Variants in LRRN1 observed in about 807,000 individuals in gnomAD.
LRRN1 encodes leucine-rich repeat neuronal protein 1.
Under a neutral mutation model 45.8 loss-of-function variants are expected in LRRN1, and 14 were observed. The observed-to-expected ratio is 0.31, with a 90% CI of 0.20 to 0.48. LRRN1 has a LOEUF of 0.48. Among genes scored for constraint, LRRN1 ranks in the 20% least tolerant of loss-of-function variants. The pLI is 0.99. For missense variants in LRRN1, 789 were observed against 874.2 expected (o/e 0.90, Z 1.23); for synonymous variants, 359 against 330.1 (o/e 1.09, Z -0.95).
At chr3:3,808,330 A>C (rs1692808317) in intron 1 of LRRN1, among the ~76,000 whole-genome samples, 1 of 152,106 alleles carries the variant, frequency 6.6e-6, no homozygotes, top group Non-Finnish European at 1.5e-5. Flanking sequence ...AACTCCTTTA[A>C]TCCTTGCAAC....
chr3:3,843,990 G>T (rs1336002384), intron 1 of LRRN1, among the ~76,000 whole-genome samples: 1 of 152,128 alleles, frequency 6.6e-6, no homozygotes, highest in Admixed American at 6.5e-5. Flanking sequence ...TTAAAGAAAA[G>T]ACATCTGCAG....
intron 1 of LRRN1, among the ~76,000 whole-genome samples, chr3:3,822,343 G>A (rs1283744488): frequency 6.6e-6 from 1 of 152,154 alleles, no homozygotes; most frequent in Non-Finnish European, 1.5e-5. Context: ...AAAATTAGGT[G>A]TCTGCAAGGT....
At chr3:3,812,620 G>A (rs1692899294) in intron 1 of LRRN1, among the ~76,000 whole-genome samples, 1 of 152,196 alleles carries the variant, frequency 6.6e-6, no homozygotes, top group African/African-American at 2.4e-5. Flanking sequence ...ATGTCACCAT[G>A]ACAGAAGGCT....
At chr3:3,824,204 C>T (rs995336247) in intron 1 of LRRN1, among the ~76,000 whole-genome samples, 1 of 152,166 alleles carries the variant, frequency 6.6e-6, no homozygotes, top group African/African-American at 2.4e-5. Flanking sequence ...ACGTAAGTCA[C>T]TCAGTGTAGT....
chr3:3,814,859 T>C (rs1177357762), intron 1 of LRRN1, among the ~76,000 whole-genome samples: 1 of 152,160 alleles, frequency 6.6e-6, no homozygotes, highest in Non-Finnish European at 1.5e-5. Flanking sequence ...CTTCCCAGCC[T>C]CCAGAACTGT....
intron 1 of LRRN1, among the ~76,000 whole-genome samples, chr3:3,836,477 A>T (rs1280118593): frequency 6.6e-6 from 1 of 152,170 alleles, no homozygotes; most frequent in Non-Finnish European, 1.5e-5. Flanking sequence ...TGTCCTCAAG[A>T]TTCATCCGTG....
At chr3:3,825,965 A>G (rs1475466099) in intron 1 of LRRN1, among the ~76,000 whole-genome samples, 2 of 152,198 alleles carry the variant, frequency 1.3e-5, no homozygotes, top group East Asian at 3.8e-4. Flanking sequence ...CAGAGGTTGC[A>G]AACTGGCCAT....
At chr3:3,801,756 G>A (rs1224540753) in intron 1 of LRRN1, among the ~76,000 whole-genome samples, 1 of 152,176 alleles carries the variant, frequency 6.6e-6, no homozygotes, top group Non-Finnish European at 1.5e-5. Flanking sequence ...AGCTCAAAGT[G>A]CTGCTTGCTC....
chr3:3,828,749 C>T (rs914907253), intron 1 of LRRN1, among the ~76,000 whole-genome samples: 5 of 152,076 alleles, frequency 3.3e-5, no homozygotes, highest in African/African-American at 1.2e-4. Flanking sequence ...GTCAATAAAT[C>T]TTATGTCACA....
Position 3,815,529 on chromosome 3 carries a change from A to G in LRRN1, c.-279+15610A>G, listed in dbSNP as rs145450225. On this transcript the variant is annotated intron_variant, in intron 1 of 1. Coordinates refer to ENST00000319331, the MANE Select transcript of LRRN1 (RefSeq NM_020873.7). Reference sequence around the variant, plus strand: ...CCAGAATTTTTTGGTGAGTGCCAACATAGGTACTAGCTGGATTTTTGAGAC... The same window carrying G: ...CCAGAATTTTTTGGTGAGTGCCAACGTAGGTACTAGCTGGATTTTTGAGAC... Among the ~76,000 whole-genome samples, 510 of 152,332 alleles carry G rather than the reference A, an allele frequency of 3.3e-3. 5 individuals are homozygous for G. Among genetic ancestry groups the G allele is most frequent in the African/African-American group, 0.011 (471 of 41,578 alleles).
intron 1 of LRRN1, among the ~76,000 whole-genome samples, chr3:3,825,315 C>T (rs1229957561): frequency 3.3e-5 from 5 of 152,144 alleles, no homozygotes; most frequent in African/African-American, 4.8e-5. Flanking sequence ...AGACCAGCTG[C>T]GCCTTTGGGC....
chr3:3,819,040 C>T (rs561104922), intron 1 of LRRN1, among the ~76,000 whole-genome samples: 1 of 151,882 alleles, frequency 6.6e-6, no homozygotes, highest in South Asian at 2.1e-4. Flanking sequence ...TTCACCCAGA[C>T]TAGAAGGCAG....
intron 1 of LRRN1, among the ~76,000 whole-genome samples, chr3:3,837,259 A>T (rs148683919): frequency 7.3e-4 from 111 of 152,284 alleles, no homozygotes; most frequent in African/African-American, 2.2e-3. Flanking sequence ...GTAAACAAAC[A>T]AAACTGGAAA....
chr3:3,803,941 T>C (rs1355496421), intron 1 of LRRN1, among the ~76,000 whole-genome samples: 6 of 152,250 alleles, frequency 3.9e-5, no homozygotes, highest in Non-Finnish European at 8.8e-5. Context: ...AAATGGTTTA[T>C]TGACATTGCA....
intron 1 of LRRN1, among the ~76,000 whole-genome samples, chr3:3,824,917 C>T (rs1693184525): frequency 6.6e-6 from 1 of 152,040 alleles, no homozygotes; most frequent in Non-Finnish European, 1.5e-5. Flanking sequence ...GTAGATGTGT[C>T]CTGTGATCTG....
chr3:3,809,002 A>G (rs1001756035), intron 1 of LRRN1, among the ~76,000 whole-genome samples: 1 of 152,152 alleles, frequency 6.6e-6, no homozygotes, highest in Non-Finnish European at 1.5e-5. Flanking sequence ...TTATATCATC[A>G]TTGTCTAAAT....
At chr3:3,825,775 A>T (rs180763283) in intron 1 of LRRN1, among the ~76,000 whole-genome samples, 1 of 152,328 alleles carries the variant, frequency 6.6e-6, no homozygotes, top group Admixed American at 6.5e-5. Flanking sequence ...AATGCTTCTT[A>T]AAGCACTAAA....
At position 3,833,276 on chromosome 3, in the gene LRRN1, A is replaced by G. The variant is rs906822307; in HGVS notation, c.-278-11088A>G. The stretch of plus-strand genomic sequence containing the variant: ...GGATCCCTTCCTCTACATTAAACCA[A>G]GGGAGATCAGGCATTTCCAGCTTGC... On this transcript the variant is annotated intron_variant, in intron 1 of 1. Transcript: ENST00000319331. Among the ~76,000 whole-genome samples, 4 of 152,166 alleles carry G rather than the reference A, an allele frequency of 2.6e-5. No individual in the cohort carries two copies. The South Asian group carries it at 6.2e-4, about 24-fold the overall frequency.
intron 1 of LRRN1, among the ~76,000 whole-genome samples, chr3:3,826,404 C>G (rs774838753): frequency 6.6e-6 from 1 of 152,114 alleles, no homozygotes; most frequent in Non-Finnish European, 1.5e-5. Flanking sequence ...TGTTCAAGGT[C>G]GTCCAGAAAG....
Sources: allele counts gnomAD v4.1 joint callset (sites outside exome capture counted in the v4.1 genomes callset), GRCh38; gene constraint gnomAD v4.1.1; transcripts MANE v1.5; gene names NCBI Gene and HGNC (gene_info 2026-07-23, HGNC 2026-07-21).